Variants in WDR88 observed in about 807,000 individuals in gnomAD.
WDR88 encodes WD repeat-containing protein 88.
Under a neutral mutation model 46.8 loss-of-function variants are expected in WDR88, and 40 were observed. The ratio of observed to expected loss-of-function variants is 0.86; its 90% CI spans 0.66 to 1.11. WDR88 has a LOEUF of 1.11. WDR88 is among the 50% of genes most tolerant of loss of function. The probability of loss-of-function intolerance (pLI) is 0.00; values close to 1 mark genes in which losing one functional copy is unlikely to be tolerated. For missense variants in WDR88, 562 were observed against 602.4 expected (o/e 0.93, Z 0.70); for synonymous variants, 235 against 240.7 (o/e 0.98, Z 0.22).
At chr19:33,143,265 G>A (rs1376242724) in intron 2 of WDR88, among the ~76,000 whole-genome samples, 3 of 150,852 alleles carry the variant, frequency 2.0e-5, no homozygotes, top group Non-Finnish European at 4.4e-5. Context: ...AGCCCAGGAG[G>A]TGGTGCCTGC....
intron 7 of WDR88, among the ~76,000 whole-genome samples, chr19:33,160,140 T>C (rs1446120425): frequency 6.6e-6 from 1 of 152,144 alleles, no homozygotes; most frequent in Non-Finnish European, 1.5e-5. Context: ...TGCCTACCAC[T>C]CACTGTCTGC....
chr19:33,153,533 A>T (rs1973676265), intron 6 of WDR88, among the ~76,000 whole-genome samples: 1 of 152,052 alleles, frequency 6.6e-6, no homozygotes, highest in Non-Finnish European at 1.5e-5. Context: ...CTCTAGCAAG[A>T]TCAGCTATAT....
intron 2 of WDR88, among the ~76,000 whole-genome samples, chr19:33,138,346 C>T (rs1331343105): frequency 6.7e-6 from 1 of 149,888 alleles, no homozygotes; most frequent in Non-Finnish European, 1.5e-5. Flanking sequence ...GCCACAGCGA[C>T]TGGCCCTTTT....
chr19:33,148,791 C>T lies in WDR88; in HGVS notation c.560C>T (p.Thr187Ile). The T allele has an allele frequency of 1.2e-6, 2 of 1,614,080 alleles. No homozygotes were observed. Among genetic ancestry groups the T allele is most frequent in the Non-Finnish European group, 1.7e-6 (2 of 1,180,014 alleles). ...TTTCAGTGGAAGGTCAGGTATGATACCTTCATCGTCTCCTGTAAGTTTTCT... is the reference window on the plus strand; with the variant it reads ...TTTCAGTGGAAGGTCAGGTATGATATCTTCATCGTCTCCTGTAAGTTTTCT... ...GKLLWKVRYDTFIVSCKFSPD... is the reference protein window; with the variant it reads ...GKLLWKVRYDIFIVSCKFSPD... The change falls in exon 5 of 11, where the codon ACC becomes ATC. Residue 187 changes from threonine (T) to isoleucine (I), a missense_variant. Coordinates refer to ENST00000355868, the MANE Select transcript of WDR88 (RefSeq NM_173479.4).
rs545051750 is a variant in WDR88 at position 33,135,289 on chromosome 19, G to A, written c.277-2388G>A. Among the ~76,000 whole-genome samples the A allele has an allele frequency of 3.2e-4, 49 of 152,296 alleles. 1 individual carries two copies. In the South Asian group the frequency reaches 9.3e-3, roughly 29 times the overall value. The stretch of plus-strand genomic sequence containing the variant: ...AGACCTTTTATAGCGATAGAATCAA[G>A]CCATACGTGGTCTCTTGTGACTGGC... On this transcript the variant is annotated intron_variant, in intron 1 of 10. Coordinates refer to ENST00000355868, the MANE Select transcript of WDR88 (RefSeq NM_173479.4).
Position 33,133,552 on chromosome 19 carries a change from A to C in WDR88, c.276+1107A>C, listed in dbSNP as rs562616152. On this transcript the variant is annotated intron_variant, in intron 1 of 10. Coordinates refer to ENST00000355868, the MANE Select transcript of WDR88 (RefSeq NM_173479.4). The stretch of plus-strand genomic sequence containing the variant: ...ACAAAACAAAAACCCAATAAAGAAC[A>C]TTCTCAATAAGTAGCGTTTCATGCT... 2.2e-4 allele frequency among the ~76,000 whole-genome samples: 33 copies of C among 152,310 alleles called. 1 individual carries two copies. The South Asian group carries it at 6.8e-3, about 32-fold the overall frequency.
chr19:33,162,286 C>T (rs751075653), intron 8 of WDR88, among the ~76,000 whole-genome samples: 2 of 152,036 alleles, frequency 1.3e-5, no homozygotes, highest in African/African-American at 2.4e-5. Context: ...CTGCAAGTTC[C>T]GCCTCCTGGG....
At chr19:33,166,278 G>C (rs1440493459) in intron 9 of WDR88, among the ~76,000 whole-genome samples, 2 of 101,774 alleles carry the variant, frequency 2.0e-5, no homozygotes, top group East Asian at 6.4e-4. Flanking sequence ...ACTGGTTGTG[G>C]TCTCAAAAAA....
intron 7 of WDR88, among the ~76,000 whole-genome samples, chr19:33,159,897 T>C (rs1973834841): frequency 6.6e-6 from 1 of 151,828 alleles, no homozygotes; most frequent in African/African-American, 2.4e-5. Flanking sequence ...CCTGAGCTTG[T>C]TTTCCTGCAA....
intron 3 of WDR88, among the ~76,000 whole-genome samples, chr19:33,147,331 G>A (rs557351668): frequency 1.1e-4 from 17 of 152,218 alleles, no homozygotes; most frequent in Admixed American, 3.3e-4. Context: ...GGCCAGGCGC[G>A]GTGGTTCACG....
chr19:33,167,050 G>C (rs575262535), intron 9 of WDR88, among the ~76,000 whole-genome samples: 1 of 152,188 alleles, frequency 6.6e-6, no homozygotes, highest in Non-Finnish European at 1.5e-5. Flanking sequence ...ATGTAAAGCA[G>C]TGACTTCATT....
chr19:33,173,118 A>G (rs867012460), intron 10 of WDR88, among the ~76,000 whole-genome samples: 13 of 148,174 alleles, frequency 8.8e-5, no homozygotes, highest in South Asian at 2.1e-4. Flanking sequence ...AAAAAAAAAA[A>G]AGAGAAGAAA....
intron 2 of WDR88, among the ~76,000 whole-genome samples, chr19:33,139,892 C>T (rs563702865): frequency 1.8e-4 from 27 of 152,206 alleles, no homozygotes; most frequent in Non-Finnish European, 3.2e-4. Flanking sequence ...TTGTGGTGGA[C>T]CCCACGTTTA....
At chr19:33,147,059 GAAAA>G (rs751356097) in intron 3 of WDR88, among the ~76,000 whole-genome samples, 1 of 130,480 alleles carries the variant, frequency 7.7e-6, no homozygotes. Context: ...TGTCTCTAAG[GAAAA>G]AAAAAAAAAG....
At chr19:33,169,085 A>G (rs1973997174) in intron 9 of WDR88, among the ~76,000 whole-genome samples, 1 of 152,230 alleles carries the variant, frequency 6.6e-6, no homozygotes, top group African/African-American at 2.4e-5. Context: ...ACTGTATAGA[A>G]AAATTAACTC....
chr19:33,168,998 G>A (rs2145422001), intron 9 of WDR88, among the ~76,000 whole-genome samples: 1 of 152,238 alleles, frequency 6.6e-6, no homozygotes, highest in East Asian at 1.9e-4. Context: ...ATGGAGAAAG[G>A]GCAGTCTTTT....
At chr19:33,150,474 T>C (rs1368305272) in intron 5 of WDR88, among the ~76,000 whole-genome samples, 1 of 152,164 alleles carries the variant, frequency 6.6e-6, no homozygotes, top group East Asian at 1.9e-4. Context: ...ATTCATTATG[T>C]AAATAAAAAA....
chr19:33,138,127 C>G (rs138303241), intron 2 of WDR88, among the ~76,000 whole-genome samples: 1 of 151,882 alleles, frequency 6.6e-6, no homozygotes, highest in Non-Finnish European at 1.5e-5. Flanking sequence ...ACCTCCGCCT[C>G]CTGAGTTCAA....
intron 9 of WDR88, among the ~76,000 whole-genome samples, chr19:33,168,785 AAGG>A (rs757954529): frequency 5.9e-5 from 9 of 152,184 alleles, no homozygotes; most frequent in Non-Finnish European, 1.0e-4. Flanking sequence ...AATCTTGAAG[AAGG>A]AGAAGGGGAA....
Sources: allele counts gnomAD v4.1 joint callset (sites outside exome capture counted in the v4.1 genomes callset), GRCh38; gene constraint gnomAD v4.1.1; transcripts MANE v1.5; gene names NCBI Gene and HGNC (gene_info 2026-07-23, HGNC 2026-07-21).